ZBED6: variants seen among roughly 807,000 people sequenced by gnomAD.
The protein encoded by ZBED6 is zinc finger BED domain-containing protein 6.
A neutral mutation model predicts 58.4 loss-of-function variants in ZBED6; 40 were observed. The observed-to-expected ratio is 0.68, with a 90% CI of 0.53 to 0.89. ZBED6 has a LOEUF of 0.89. ZBED6 is among the 40% of genes least tolerant of loss of function. The probability of loss-of-function intolerance (pLI) is 0.00; values close to 1 mark genes in which losing one functional copy is unlikely to be tolerated. For missense variants in ZBED6, 1,057 were observed against 1,003.9 expected, an observed-to-expected ratio of 1.05 and a Z score of -0.71; for synonymous variants, 439 against 350.6, an observed-to-expected ratio of 1.25 and a Z score of -2.82.
At chr1:203,841,960 C>A (rs1178990312) in intron 11 of ZBED6, among the ~76,000 whole-genome samples, 4 of 143,130 alleles carry the variant, frequency 2.8e-5, no homozygotes, top group Non-Finnish European at 6.0e-5. Context: ...AGTTCCCAGA[C>A]GGGGCCGCGG....
intron 2 of ZBED6, among the ~76,000 whole-genome samples, chr1:203,817,557 G>C (rs1171657144): frequency 6.6e-6 from 1 of 152,014 alleles, no homozygotes; most frequent in African/African-American, 2.4e-5. Flanking sequence ...ATTTCCTGCT[G>C]AGTACTAAGA....
intron 1 of ZBED6, among the ~76,000 whole-genome samples, chr1:203,807,286 T>A (rs1672715022): frequency 6.6e-6 from 1 of 152,204 alleles, no homozygotes; most frequent in African/African-American, 2.4e-5. Flanking sequence ...ATTTTTAAAA[T>A]TTTTATTTAT....
intron 3 of ZBED6, among the ~76,000 whole-genome samples, chr1:203,821,982 C>A (rs1330738627): frequency 6.6e-6 from 1 of 152,128 alleles, no homozygotes; most frequent in Non-Finnish European, 1.5e-5. Flanking sequence ...TGGTCTCGAT[C>A]TGCTGACCTC....
chr1:203,830,892 G>A lies in ZBED6; in HGVS notation c.*3399+689G>A, dbSNP rs149223522. On this transcript the variant is annotated intron_variant, in intron 7 of 16. Coordinates refer to ENST00000550078, the Ensembl canonical transcript of ZBED6. ...GCTAGGATTTTCTTCTGGAGCTTAC[G>A]TCAGCCTGATTGCTCTGTATTTCCA... Among the ~76,000 whole-genome samples the A allele has an allele frequency of 3.0e-3, 432 of 142,318 alleles. 11 individuals are homozygous for A. The highest frequency in any genetic ancestry group is 6.2e-4 in the East Asian group (3 of 4,848). The allele number at this position is 142,318 out of a possible 152,430, so 93.4% of individuals were successfully genotyped here.
intron 7 of ZBED6, among the ~76,000 whole-genome samples, chr1:203,830,829 A>G (rs1478450439): frequency 6.7e-6 from 1 of 150,238 alleles, no homozygotes; most frequent in Non-Finnish European, 1.5e-5. Context: ...AAAAGGAAAA[A>G]CGTCATTTTC....
intron 1 of ZBED6, among the ~76,000 whole-genome samples, chr1:203,809,481 C>G (rs985071316): frequency 6.6e-6 from 1 of 152,036 alleles, no homozygotes; most frequent in Non-Finnish European, 1.5e-5. Flanking sequence ...CAGCCCCACT[C>G]TTTTTTCATA....
At chr1:203,834,023 A>G in intron 9 of ZBED6, 170 bp downstream of exon 9, 1 of 1,276,500 alleles carries the variant, frequency 7.8e-7, no homozygotes. Flanking sequence ...TTTATTGAAG[A>G]TACAGAGATT....
chr1:203,814,712 C>T (rs1675673349), intron 1 of ZBED6, among the ~76,000 whole-genome samples: 1 of 152,124 alleles, frequency 6.6e-6, no homozygotes, highest in Admixed American at 6.5e-5. Flanking sequence ...AATAACAAAG[C>T]TGCTTACATA....
In ZBED6 at chr1:203,850,001, A is replaced by G. The variant is rs746527606; in HGVS notation, c.*4613A>G. On this transcript the variant is annotated 3_prime_UTR_variant, in exon 14 of 17. Coordinates refer to ENST00000550078, the Ensembl canonical transcript of ZBED6. Reference sequence around the variant, plus strand: ...CATTATTGAATGTGAAATGTGCAGCACAGACCTTGGAAAAAAGGGGTAAAG... The same window carrying G: ...CATTATTGAATGTGAAATGTGCAGCGCAGACCTTGGAAAAAAGGGGTAAAG... 2.5e-6 allele frequency: 4 copies of G among 1,613,912 alleles called. No individual in the cohort carries two copies. The South Asian group carries it at 4.4e-5, about 18-fold the overall frequency.
intron 16 of ZBED6, 147 bp from the exon 17 acceptor site, chr1:203,851,994 A>AG: frequency 2.1e-6 from 1 of 485,294 alleles, no homozygotes; most frequent in Non-Finnish European, 3.4e-6. Flanking sequence ...AAAAAAAAAA[A>AG]AGCTTGATCC....
At chr1:203,840,507 G>A in intron 11 of ZBED6, 133 bp downstream of exon 11, 2 of 831,146 alleles carry the variant, frequency 2.4e-6, no homozygotes, top group Non-Finnish European at 3.7e-6. Context: ...TGTTTTTTAA[G>A]TAATTGATCA....
chr1:203,810,678 C>T (rs1674151057), intron 1 of ZBED6, among the ~76,000 whole-genome samples: 1 of 152,124 alleles, frequency 6.6e-6, no homozygotes, highest in South Asian at 2.1e-4. Flanking sequence ...CTCGGACTCC[C>T]AAAATGCTGG....
chr1:203,800,063 T>G, exon 1 of ZBED6: 1 of 1,536,122 alleles, frequency 6.5e-7, no homozygotes, highest in South Asian at 1.2e-5. Flanking sequence ...ATAGCTCAGC[T>G]GTAGACAATG....
At chr1:203,820,672 G>C (rs1678315314) in intron 3 of ZBED6, among the ~76,000 whole-genome samples, 1 of 151,902 alleles carries the variant, frequency 6.6e-6, no homozygotes, top group African/African-American at 2.4e-5. Flanking sequence ...TAGACACGAG[G>C]TTTCGCGATG....
chr1:203,797,851 A>G, exon 1 of ZBED6: 1 of 1,536,112 alleles, frequency 6.5e-7, no homozygotes, highest in Non-Finnish European at 8.7e-7. Context: ...CCTGAGCAGG[A>G]TGAAGAAAGT....
intron 1 of ZBED6, among the ~76,000 whole-genome samples, chr1:203,806,730 T>C (rs1672473678): frequency 6.6e-6 from 1 of 152,188 alleles, no homozygotes; most frequent in Admixed American, 6.5e-5. Flanking sequence ...TTTTACCATA[T>C]TGCATATGCT....
chr1:203,835,961 A>G lies in ZBED6; in HGVS notation c.*3574-2005A>G, dbSNP rs535393430. 186 of 173,548 alleles carry G rather than the reference A, an allele frequency of 1.1e-3. 1 individual carries two copies. The East Asian group carries it at 0.013, about 12-fold the overall frequency. 10.8% of individuals were successfully genotyped at this position (173,548 alleles called of 1,614,324 possible). Reference sequence around the variant, plus strand: ...CCAGGAGGCCTCCACAGGATCCAAGATGGTGGGGAGAGCTAAGAGCAGTAT... The same window carrying G: ...CCAGGAGGCCTCCACAGGATCCAAGGTGGTGGGGAGAGCTAAGAGCAGTAT... On this transcript the variant is annotated intron_variant, in intron 9 of 16. Coordinates refer to ENST00000550078, the Ensembl canonical transcript of ZBED6.
chr1:203,797,934 T>C (rs1394115239), exon 1 of ZBED6: 1 of 1,536,108 alleles, frequency 6.5e-7, no homozygotes, highest in South Asian at 1.2e-5. Context: ...TGTGTGGCAC[T>C]TCTTTCATGT....
rs139113788 is a variant in ZBED6, at chr1:203,852,189, G to A, written c.*4922G>A. On this transcript the variant is annotated 3_prime_UTR_variant, in exon 17 of 17. Transcript: ENST00000550078. ...CCTCTTCAGATTCCTCACCCCCGGA[G>A]GTGTCTGGCCCTTCCTCATCCCAAA... 4.5e-5 allele frequency: 73 copies of A among 1,613,474 alleles called. No homozygotes were observed. The African/African-American group carries it at 9.5e-4, about 21-fold the overall frequency.
Sources: gnomAD v4.1 joint callset for allele counts (sites outside exome capture counted in the v4.1 genomes callset) on GRCh38, gnomAD v4.1.1 for gene constraint, MANE v1.5 for transcripts, NCBI Gene and HGNC (gene_info 2026-07-23, HGNC 2026-07-21) for gene names.